Variants in LDAH observed in about 807,000 individuals in gnomAD.
LDAH encodes the protein lipid droplet-associated hydrolase.
In LDAH, 26 loss-of-function variants were observed where a neutral mutation model predicts 29.6. That is an observed-to-expected ratio of 0.88 (90% CI 0.64 to 1.22). The LOEUF is 1.22. Ranked by LOEUF, LDAH falls within the 50% of genes most tolerant of loss-of-function variation. The probability of loss-of-function intolerance (pLI) is 0.00; values close to 1 mark genes in which losing one functional copy is unlikely to be tolerated. For synonymous variants in LDAH, 117 were observed against 133.0 expected (o/e 0.88, Z 0.83); for missense variants, 344 against 387.3 (o/e 0.89, Z 0.94).
chr2:20,724,639 G>C (rs2149405286), intron 5 of LDAH, among the ~76,000 whole-genome samples: 1 of 152,322 alleles, frequency 6.6e-6, no homozygotes, highest in East Asian at 1.9e-4. Flanking sequence ...ATGAATAACT[G>C]AAGGCCAGAG....
chr2:20,764,388 CAT>C (rs1458069970), intron 4 of LDAH, among the ~76,000 whole-genome samples: 10 of 152,222 alleles, frequency 6.6e-5, no homozygotes, highest in African/African-American at 2.4e-4. Flanking sequence ...TAATGGGTCA[CAT>C]AGAGGTAACT....
At chr2:20,761,458 G>C (rs1464565311) in intron 4 of LDAH, among the ~76,000 whole-genome samples, 1 of 152,180 alleles carries the variant, frequency 6.6e-6, no homozygotes, top group Non-Finnish European at 1.5e-5. Flanking sequence ...TGGCCCAAAA[G>C]TAGCAGAAGT....
chr2:20,695,214 G>A (rs1177666965), intron 6 of LDAH, among the ~76,000 whole-genome samples: 1 of 152,194 alleles, frequency 6.6e-6, no homozygotes, highest in Non-Finnish European at 1.5e-5. Flanking sequence ...GGCATCTTAT[G>A]GGGAGTGGTG....
chr2:20,735,493 A>G (rs1666711771), intron 5 of LDAH, among the ~76,000 whole-genome samples: 1 of 151,578 alleles, frequency 6.6e-6, no homozygotes, highest in African/African-American at 2.4e-5. Context: ...CTATCTTCTC[A>G]TTAGTTTCAA....
At chr2:20,784,779 T>C (rs1223252741) in intron 3 of LDAH, among the ~76,000 whole-genome samples, 1 of 151,590 alleles carries the variant, frequency 6.6e-6, no homozygotes, top group East Asian at 2.0e-4. Context: ...CCCAGCTACT[T>C]GGGAGGCTGA....
intron 6 of LDAH, among the ~76,000 whole-genome samples, chr2:20,693,659 T>G (rs774722219): frequency 6.6e-6 from 1 of 152,266 alleles, no homozygotes; most frequent in Non-Finnish European, 1.5e-5. Context: ...GCCTAAGCTA[T>G]AGTGCCCTTT....
rs527266103 is a variant in LDAH at position 20,811,178 on chromosome 2, C to T, written c.-2-9713G>A. Among the ~76,000 whole-genome samples, 137 of 151,180 alleles carry T rather than the reference C, an allele frequency of 9.1e-4. 1 individual carries two copies. Among genetic ancestry groups the T allele is most frequent in the African/African-American group, 3.2e-3 (131 of 41,250 alleles). On this transcript the variant is annotated intron_variant, in intron 1 of 6. Transcript: ENST00000237822. ...GACTACAGGCGCCCGCCACCACGGC[C>T]GGCTAATTTTTTTGTATTTTTAGTA...
downstream of LDAH, among the ~76,000 whole-genome samples, chr2:20,683,046 C>T (rs1320646631): frequency 1.3e-5 from 2 of 152,222 alleles, no homozygotes; most frequent in African/African-American, 4.8e-5. Context: ...CTTCCAAGAG[C>T]TTTGTCTTTA....
intron 3 of LDAH, among the ~76,000 whole-genome samples, chr2:20,781,363 CAT>C (rs1482381044): frequency 1.3e-5 from 2 of 152,168 alleles, no homozygotes; most frequent in East Asian, 1.9e-4. Context: ...ATAATTTTAA[CAT>C]GTGCTAATAT....
chr2:20,720,483 A>G (rs1665570065), intron 5 of LDAH, among the ~76,000 whole-genome samples: 1 of 152,148 alleles, frequency 6.6e-6, no homozygotes, highest in Non-Finnish European at 1.5e-5. Context: ...CACACACACA[A>G]AGGAAAAGAT....
chr2:20,707,364 C>A (rs1028159857), intron 5 of LDAH, among the ~76,000 whole-genome samples: 1 of 152,218 alleles, frequency 6.6e-6, no homozygotes, highest in African/African-American at 2.4e-5. Flanking sequence ...TGGGTGCTTC[C>A]CCATGAGGCC....
chr2:20,769,034 T>A (rs993585731), intron 4 of LDAH, among the ~76,000 whole-genome samples: 3 of 152,094 alleles, frequency 2.0e-5, no homozygotes, highest in African/African-American at 7.2e-5. Context: ...TCTATCAACC[T>A]TGAATCTCAT....
At chr2:20,780,091 A>C (rs1670087348) in intron 3 of LDAH, among the ~76,000 whole-genome samples, 1 of 152,180 alleles carries the variant, frequency 6.6e-6, no homozygotes, top group African/African-American at 2.4e-5. Flanking sequence ...AGTATTCTGT[A>C]AGCTCCCTGT....
Position 20,788,694 on chromosome 2 carries a change from G to C in LDAH, c.298+1561C>G, listed in dbSNP as rs200574005. Among the ~76,000 whole-genome samples, 7 of 151,482 alleles carry C rather than the reference G, an allele frequency of 4.6e-5. No individual in the cohort carries two copies. The East Asian group carries it at 1.4e-3, about 29-fold the overall frequency. On this transcript the variant is annotated intron_variant, in intron 3 of 6. Transcript: ENST00000237822. ...TGGGCAATGAAGTCACAGCCACCTC[G>C]ATCTCACCTCAAATTAACTAAAGGA...
At chr2:20,738,557 A>G (rs1192798345) in intron 5 of LDAH, among the ~76,000 whole-genome samples, 1 of 152,078 alleles carries the variant, frequency 6.6e-6, no homozygotes, top group Non-Finnish European at 1.5e-5. Context: ...TAGGGTCTGG[A>G]TCGGGACCCC....
At chr2:20,690,389 G>A (rs1028063669) in intron 6 of LDAH, among the ~76,000 whole-genome samples, 2 of 152,186 alleles carry the variant, frequency 1.3e-5, no homozygotes, top group Admixed American at 6.5e-5. Flanking sequence ...ATCCTTAAAC[G>A]TTTGAAGTGG....
At position 20,728,432 on chromosome 2, in the gene LDAH, C is replaced by T. The variant is rs113051908; in HGVS notation, c.703+11539G>A. Among the ~76,000 whole-genome samples the T allele has an allele frequency of 3.1e-3, 474 of 152,200 alleles. 1 individual carries two copies. The highest frequency in any genetic ancestry group is 9.5e-3 in the African/African-American group (396 of 41,518). ...CTTTGTGTAACCATGAAAATTATGC[C>T]GATGCAAGTAGCTGGTATGAACATT... is the stretch of plus-strand genomic sequence containing the variant. On this transcript the variant is annotated intron_variant, in intron 5 of 6. Coordinates refer to ENST00000237822, the MANE Select transcript of LDAH (RefSeq NM_021925.4).
intron 5 of LDAH, among the ~76,000 whole-genome samples, chr2:20,704,970 C>T (rs533774415): frequency 1.3e-5 from 2 of 152,340 alleles, no homozygotes; most frequent in African/African-American, 4.8e-5. Flanking sequence ...GCATAGCTGT[C>T]ATCCTTGGAC....
intron 6 of LDAH, among the ~76,000 whole-genome samples, chr2:20,690,721 A>T (rs1181230094): frequency 2.6e-5 from 4 of 152,158 alleles, no homozygotes; most frequent in Non-Finnish European, 2.9e-5. Flanking sequence ...GGTGAAGTAG[A>T]AAGAAAGAGA....
Sources: allele counts gnomAD v4.1 joint callset (sites outside exome capture counted in the v4.1 genomes callset), GRCh38; gene constraint gnomAD v4.1.1; transcripts MANE v1.5; gene names NCBI Gene and HGNC (gene_info 2026-07-23, HGNC 2026-07-21).